Variants in DNM3 observed in about 807,000 individuals in gnomAD.
DNM3 encodes dynamin 3.
Under a neutral mutation model 101.6 loss-of-function variants are expected in DNM3, and 47 were observed. The ratio of observed to expected loss-of-function variants is 0.46; its 90% confidence interval spans 0.37 to 0.59. The LOEUF (loss-of-function observed/expected upper bound fraction) is 0.59, where lower values mean the gene tolerates loss of function less well. DNM3 is among the 20% of genes least tolerant of loss of function. DNM3 has a pLI of 0.00. For synonymous variants in DNM3, 385 were observed against 387.9 expected (o/e 0.99, Z 0.09); for missense variants, 849 against 1,085.7 (o/e 0.78, Z 3.06).
intron 14 of DNM3, among the ~76,000 whole-genome samples, chr1:172,218,125 C>T (rs554506542): frequency 6.6e-6 from 1 of 152,012 alleles, no homozygotes; most frequent in Non-Finnish European, 1.5e-5. Flanking sequence ...TAATTCTATT[C>T]TCTAGACATA....
intron 11 of DNM3, among the ~76,000 whole-genome samples, chr1:172,076,251 T>G (rs904424083): frequency 6.6e-6 from 1 of 152,242 alleles, no homozygotes; most frequent in Non-Finnish European, 1.5e-5. Flanking sequence ...TACAATCATG[T>G]CATCTGCAAA....
At chr1:172,139,868 G>T (rs2057473165) in intron 14 of DNM3, 1 of 152,024 alleles carries the variant, frequency 6.6e-6, no homozygotes, top group African/African-American at 2.4e-5. Flanking sequence ...CTGGTGAGTT[G>T]AGAGTAATTC....
chr1:172,317,173 A>G (rs570192707), intron 16 of DNM3, among the ~76,000 whole-genome samples: 1 of 151,706 alleles, frequency 6.6e-6, no homozygotes, highest in Non-Finnish European at 1.5e-5. Flanking sequence ...AGAAATAAAG[A>G]TGTTCTTTGA....
intron 14 of DNM3, among the ~76,000 whole-genome samples, chr1:172,250,947 TA>T (rs1286526327): frequency 2.0e-5 from 3 of 152,186 alleles, no homozygotes; most frequent in Non-Finnish European, 4.4e-5. Flanking sequence ...TTATGTTTAA[TA>T]ATGCTTTGTT....
chr1:172,048,592 G>T lies in DNM3; in HGVS notation c.1197-20G>T. On this transcript the variant is annotated intron_variant, in intron 9 of 20. Coordinates refer to ENST00000627582, the MANE Select transcript of DNM3 (RefSeq NM_015569.5). ...CTCAATTAAAAAAATCTCATGGGCT[G>T]CTTGCTTTCTTACCTTCAGGACAGG... 1 of 1,587,100 alleles carries T rather than the reference G, an allele frequency of 6.3e-7. No homozygotes were observed. Among genetic ancestry groups the T allele is most frequent in the Non-Finnish European group, 8.5e-7 (1 of 1,169,940 alleles).
intron 2 of DNM3, among the ~76,000 whole-genome samples, chr1:171,963,010 A>G (rs2043319667): frequency 6.6e-6 from 1 of 152,158 alleles, no homozygotes; most frequent in African/African-American, 2.4e-5. Flanking sequence ...TATCCTTAAC[A>G]TATTATCCAG....
chr1:171,936,570 T>C (rs1468293385), intron 2 of DNM3, among the ~76,000 whole-genome samples: 1 of 152,134 alleles, frequency 6.6e-6, no homozygotes, highest in Non-Finnish European at 1.5e-5. Flanking sequence ...AAGTTAAGGG[T>C]AACTTTAAAT....
In DNM3 at chr1:172,153,754, G is replaced by A. The variant is rs186103108; in HGVS notation, c.1659+22466G>A. On this transcript the variant is annotated intron_variant, in intron 14 of 20. Coordinates refer to ENST00000627582, the MANE Select transcript of DNM3 (RefSeq NM_015569.5). ...TTCAGTCAGATGAATTAAACCCTAG[G>A]TGTGCATTCTTAAAAACAAATAGCT... Among the ~76,000 whole-genome samples the A allele has an allele frequency of 2.0e-3, 307 of 152,172 alleles. 2 individuals carry two copies. Among genetic ancestry groups the A allele is most frequent in the Middle Eastern group, 0.017 (5 of 294 alleles).
intron 13 of DNM3, among the ~76,000 whole-genome samples, chr1:172,111,583 G>A (rs999722595): frequency 4.6e-5 from 7 of 152,328 alleles, no homozygotes; most frequent in Admixed American, 1.3e-4. Flanking sequence ...CACATAGCTA[G>A]TAAATGGCAG....
intron 4 of DNM3, among the ~76,000 whole-genome samples, chr1:172,019,950 A>C (rs1016351524): frequency 6.6e-6 from 1 of 151,818 alleles, no homozygotes; most frequent in Non-Finnish European, 1.5e-5. Context: ...TGATAACTCT[A>C]ACATTAGAGT....
At chr1:171,963,541 A>G (rs903234374) in intron 2 of DNM3, among the ~76,000 whole-genome samples, 2 of 152,150 alleles carry the variant, frequency 1.3e-5, no homozygotes, top group African/African-American at 4.8e-5. Context: ...ATGTATCAAT[A>G]TAAGTTCATC....
intron 1 of DNM3, among the ~76,000 whole-genome samples, chr1:171,913,573 C>T (rs542692928): frequency 1.3e-5 from 2 of 152,276 alleles, no homozygotes; most frequent in African/African-American, 2.4e-5. Context: ...CATGAAAGTA[C>T]AGAGCTATTT....
At position 172,128,517 on chromosome 1, in the gene DNM3, CA is replaced by C. The variant is rs561592730; in HGVS notation, c.1546-2654del. 4.8e-3 allele frequency among the ~76,000 whole-genome samples: 733 copies of C among 152,188 alleles called. 9 individuals carry two copies. Among genetic ancestry groups the C allele is most frequent in the African/African-American group, 0.017 (702 of 41,518 alleles). ...AATTTCTGATAGCCACATTAAAAAA[CA>C]AAAGGAAACATGAAATTAATTTTTA... On this transcript the variant is annotated intron_variant, in intron 13 of 20. Transcript: ENST00000627582.
At chr1:172,286,452 T>TA (rs763556366) in intron 15 of DNM3, among the ~76,000 whole-genome samples, 34 of 152,228 alleles carry the variant, frequency 2.2e-4, no homozygotes, top group Non-Finnish European at 3.4e-4. Context: ...GACATTGTAA[T>TA]ATTGGCTAAT....
chr1:171,899,104 C>G (rs2038077340), intron 1 of DNM3, among the ~76,000 whole-genome samples: 1 of 152,170 alleles, frequency 6.6e-6, no homozygotes, highest in South Asian at 2.1e-4. Context: ...GTTGTTAGCC[C>G]AGCTGCAAGA....
chr1:172,329,405 T>C (rs1412925861), intron 17 of DNM3, among the ~76,000 whole-genome samples: 1 of 152,108 alleles, frequency 6.6e-6, no homozygotes, highest in Non-Finnish European at 1.5e-5. Context: ...ACAGACTATT[T>C]GGAATATAAT....
At chr1:172,385,001 C>T (rs2069109320) in intron 18 of DNM3, among the ~76,000 whole-genome samples, 1 of 152,150 alleles carries the variant, frequency 6.6e-6, no homozygotes, top group South Asian at 2.1e-4. Flanking sequence ...TGCTGCCTTC[C>T]CTCTAAATCT....
chr1:171,978,729 G>A (rs145913762), intron 2 of DNM3, among the ~76,000 whole-genome samples: 11 of 152,242 alleles, frequency 7.2e-5, no homozygotes, highest in Admixed American at 2.0e-4. Context: ...GACCAGTTAG[G>A]CTACTTTTAT....
intron 15 of DNM3, among the ~76,000 whole-genome samples, chr1:172,281,131 T>C (rs1326376688): frequency 6.6e-6 from 1 of 151,680 alleles, no homozygotes; most frequent in Non-Finnish European, 1.5e-5. Flanking sequence ...CAGAATTAAA[T>C]TGTGGGAAGT....
Sources: allele counts gnomAD v4.1 joint callset (sites outside exome capture counted in the v4.1 genomes callset), GRCh38; gene constraint gnomAD v4.1.1; transcripts MANE v1.5; gene names NCBI Gene and HGNC (gene_info 2026-07-23, HGNC 2026-07-21).